Variants in ELP2 observed in about 807,000 individuals in gnomAD.
ELP2 encodes the protein elongator complex protein 2.
In ELP2, 90 loss-of-function variants were observed where a neutral mutation model predicts 119.2. The ratio of observed to expected loss-of-function variants is 0.75; its 90% CI spans 0.64 to 0.90. The LOEUF (loss-of-function observed/expected upper bound fraction) is 0.90. ELP2 is among the 40% of genes least tolerant of loss of function. ELP2 has a pLI of 0.00. For synonymous variants in ELP2, 339 were observed against 331.0 expected, an observed-to-expected ratio of 1.02 and a Z score of -0.26; for missense variants, 921 against 967.8, an observed-to-expected ratio of 0.95 and a Z score of 0.64.
chr18:36,180,319 C>CAG lies in ELP2; in HGVS notation c.*5679_*5680dup, dbSNP rs2091306669. ...TTAGTGTTGTGGCCATACCGAGCTT[C>CAG]AGGAGAAGCTGGGAAATTAAATCTT... On this transcript the variant is annotated 3_prime_UTR_variant, in exon 22 of 22. Coordinates refer to ENST00000358232, the MANE Select transcript of ELP2 (RefSeq NM_018255.4). 1 of 152,236 alleles carries CAG rather than the reference C, an allele frequency of 6.6e-6. No individual in the cohort carries two copies. Among genetic ancestry groups the CAG allele is most frequent in the South Asian group, 2.1e-4 (1 of 4,832 alleles). 9.4% of individuals were successfully genotyped at this position (152,236 alleles called of 1,614,324 possible). A position where few individuals can be genotyped will look rare whatever the true frequency, so the allele number is the denominator to read the frequency against.
intron 3 of ELP2, chr18:36,137,372 A>G (rs1195748316): frequency 1.3e-5 from 2 of 152,214 alleles, no homozygotes; most frequent in African/African-American, 4.8e-5. Flanking sequence ...TCAAAGGCTA[A>G]TGATTCTAAA....
Position 36,171,180 on chromosome 18 carries a change from GT to G in ELP2, c.2324+23del. 6.4e-7 allele frequency: 1 copy of G among 1,574,082 alleles called. No individual in the cohort carries two copies. The highest frequency in any genetic ancestry group is 1.4e-5 in the African/African-American group (1 of 73,834). On this transcript the variant is annotated intron_variant, in intron 21 of 21. Coordinates refer to ENST00000358232, the MANE Select transcript of ELP2 (RefSeq NM_018255.4). ...TCAAAGGTATTTCTTTCCTATTTTT[GT>G]TTCCATCAGATTAACTAGAAATTGT...
At chr18:36,166,988 A>G in intron 18 of ELP2, 113 bp from the exon 19 acceptor site, 1 of 1,126,120 alleles carries the variant, frequency 8.9e-7, no homozygotes, top group Non-Finnish European at 1.2e-6. Flanking sequence ...AAGTCAGTGC[A>G]TATAAATTGA....
intron 12 of ELP2, among the ~76,000 whole-genome samples, chr18:36,155,348 A>G (rs1000920856): frequency 6.7e-6 from 1 of 149,160 alleles, no homozygotes; most frequent in Non-Finnish European, 1.5e-5. Context: ...ATGTGTTTAA[A>G]AGAAAACATC....
intron 3 of ELP2, chr18:36,138,037 T>C: frequency 6.1e-6 from 3 of 489,584 alleles, no homozygotes; most frequent in Non-Finnish European, 1.1e-5. Context: ...ACCTATATTC[T>C]TCAGAATACC....
At position 36,147,147 on chromosome 18, in the gene ELP2, C is replaced by T. The variant is rs141427666; in HGVS notation, c.1125+766C>T. On this transcript the variant is annotated intron_variant, in intron 11 of 21. Coordinates refer to ENST00000358232, the MANE Select transcript of ELP2 (RefSeq NM_018255.4). ...CTGTCATCCAGGTGTGATCATAGCT[C>T]ACTGCAACCTCATTCTCCTGGGGTT... 2.7e-4 allele frequency among the ~76,000 whole-genome samples: 39 copies of T among 145,154 alleles called. No individual in the cohort carries two copies. In the East Asian group the frequency reaches 7.7e-3, roughly 29 times the overall value.
At position 36,174,541 on chromosome 18, in the gene ELP2, C is replaced by T; in HGVS notation, c.2381C>T (p.Thr794Ile). 1 of 1,614,126 alleles carries T rather than the reference C, an allele frequency of 6.2e-7. No homozygotes were observed. Among genetic ancestry groups the T allele is most frequent in the South Asian group, 1.1e-5 (1 of 91,078 alleles). Reference sequence around the variant, plus strand: ...TGCTGGAAGAATTGCAGTGGAAAAACTGAACAGAAGGAAGCAGAAGGTGCT... The same window carrying T: ...TGCTGGAAGAATTGCAGTGGAAAAATTGAACAGAAGGAAGCAGAAGGTGCT... ...KLCWKNCSGK[T>I]EQKEAEGAEW... The change falls in exon 22 of 22, where the codon ACT becomes ATT. Residue 794 changes from threonine (T) to isoleucine (I), a missense_variant. Transcript: ENST00000358232.
At chr18:36,140,467 C>T (rs942111490) in intron 5 of ELP2, among the ~76,000 whole-genome samples, 2 of 152,176 alleles carry the variant, frequency 1.3e-5, no homozygotes, top group African/African-American at 4.8e-5. Context: ...CTGCTTCAGC[C>T]TCCTGAGTAA....
chr18:36,156,839 T>A (rs2090590485), intron 13 of ELP2, among the ~76,000 whole-genome samples, 185 bp downstream of exon 13: 2 of 152,184 alleles, frequency 1.3e-5, no homozygotes, highest in Non-Finnish European at 2.9e-5. Flanking sequence ...AAACTAGAAA[T>A]TTTGTGTAGC....
intron 21 of ELP2, among the ~76,000 whole-genome samples, chr18:36,171,827 C>T (rs1210484380): frequency 1.3e-5 from 2 of 152,190 alleles, no homozygotes; most frequent in East Asian, 1.9e-4. Context: ...ATCAGTCTTC[C>T]TACCTCAGCC....
rs771259767 is a variant in ELP2 at position 36,142,314 on chromosome 18, G to T, written c.622G>T (p.Asp208Tyr). The change falls in exon 7 of 22, where the codon GAT becomes TAT. Residue 208 changes from aspartate to tyrosine, a missense_variant. Physicochemically the swap from Asp to Tyr is radical, Grantham distance 160. Coordinates refer to ENST00000358232, the MANE Select transcript of ELP2 (RefSeq NM_018255.4). Reference protein sequence around the residue: ...QKVLSLCGHEDWIRGVEWAAF... With the variant: ...QKVLSLCGHEYWIRGVEWAAF... ...AGTGCTTTCTCTCTGTGGACATGAGGATTGGATTAGAGGAGTGGAATGGGC... is the reference window on the plus strand; with the variant it reads ...AGTGCTTTCTCTCTGTGGACATGAGTATTGGATTAGAGGAGTGGAATGGGC... The T allele has an allele frequency of 6.2e-7, 1 of 1,614,024 alleles. No individual in the cohort carries two copies. Among genetic ancestry groups the T allele is most frequent in the South Asian group, 1.1e-5 (1 of 91,078 alleles).
At position 36,134,752 on chromosome 18, in the gene ELP2, A is replaced by G. The variant is rs183497048; in HGVS notation, c.217+1436A>G. On this transcript the variant is annotated intron_variant, in intron 2 of 21. Coordinates refer to ENST00000358232, the MANE Select transcript of ELP2 (RefSeq NM_018255.4). Reference sequence around the variant, plus strand: ...TTCATCTCTAAGATTCTGACTCCAGAATTTTCAGTTAAAATATTAGTTGCC... The same window carrying G: ...TTCATCTCTAAGATTCTGACTCCAGGATTTTCAGTTAAAATATTAGTTGCC... Among the ~76,000 whole-genome samples, 60 of 152,314 alleles carry G rather than the reference A, an allele frequency of 3.9e-4. No individual in the cohort carries two copies. In the Middle Eastern group the frequency reaches 0.01, roughly 26 times the overall value.
intron 13 of ELP2, 159 bp from the exon 14 acceptor site, chr18:36,158,676 G>T: frequency 1.7e-6 from 1 of 589,372 alleles, no homozygotes; most frequent in Non-Finnish European, 3.0e-6. Flanking sequence ...GGAAGTGAAA[G>T]TACGGGTAGA....
chr18:36,139,474 T>C (rs2089946952), intron 5 of ELP2: 6 of 1,535,588 alleles, frequency 3.9e-6, no homozygotes, highest in Non-Finnish European at 5.2e-6. Context: ...CACCAGCCTC[T>C]CTCGCCCTCT....
At chr18:36,131,882 T>C (rs1207459771) in intron 1 of ELP2, among the ~76,000 whole-genome samples, 1 of 151,394 alleles carries the variant, frequency 6.6e-6, no homozygotes, top group Non-Finnish European at 1.5e-5. Context: ...GACAAAGAAG[T>C]GTTGAGCCTA....
Position 36,167,257 on chromosome 18 carries a change from T to C in ELP2, c.2076+35T>C. On this transcript the variant is annotated intron_variant, in intron 19 of 21. Transcript: ENST00000358232. ...TAAAAATTTAATATTTTTTCAAATGTAAAAATAATATTTTTATAGGTATGT... is the reference window on the plus strand; with the variant it reads ...TAAAAATTTAATATTTTTTCAAATGCAAAAATAATATTTTTATAGGTATGT... 2.1e-6 allele frequency: 3 copies of C among 1,455,916 alleles called. No individual in the cohort carries two copies. The East Asian group carries it at 7.6e-5, about 37-fold the overall frequency. The allele number at this position is 1,455,916 out of a possible 1,614,324, so 90.2% of individuals were successfully genotyped here. A position where few individuals can be genotyped will look rare whatever the true frequency, so the allele number is the denominator to read the frequency against.
At chr18:36,153,852 T>C (rs1187132383) in intron 11 of ELP2, among the ~76,000 whole-genome samples, 1 of 151,858 alleles carries the variant, frequency 6.6e-6, no homozygotes. Context: ...CACGTCCCTC[T>C]ACCCCCACAC....
chr18:36,167,060 C>A (rs199920129), intron 18 of ELP2, 41 bp from the exon 19 acceptor site: 16 of 1,556,468 alleles, frequency 1.0e-5, no homozygotes, highest in Non-Finnish European at 1.4e-5. Context: ...AAAAACCCAG[C>A]TTTCTCTGCT....
chr18:36,174,235 C>T (rs1647872698), intron 21 of ELP2, among the ~76,000 whole-genome samples: 1 of 151,582 alleles, frequency 6.6e-6, no homozygotes, highest in South Asian at 2.1e-4. Flanking sequence ...TTTTAAACAA[C>T]ATTTGACAGA....
Sources: gnomAD v4.1 joint callset for allele counts (sites outside exome capture counted in the v4.1 genomes callset) on GRCh38, gnomAD v4.1.1 for gene constraint, MANE v1.5 for transcripts, NCBI Gene and HGNC (gene_info 2026-07-23, HGNC 2026-07-21) for gene names.